The following DIP2C variants were observed in gnomAD, a reference collection of about 807,000 sequenced individuals.
The protein encoded by DIP2C is DIP2 acetate--CoA ligase C (putative).
In DIP2C, 33 loss-of-function variants were observed where a neutral mutation model predicts 192.4. The observed-to-expected ratio is 0.17, with a 90% CI of 0.13 to 0.23. The LOEUF is 0.23. Among genes scored for constraint, DIP2C ranks in the 10% least tolerant of loss-of-function variants. The pLI is 1.00. For missense variants in DIP2C, 1,537 were observed against 2,110.1 expected, an observed-to-expected ratio of 0.73 and a Z score of 5.32; for synonymous variants, 979 against 864.1, an observed-to-expected ratio of 1.13 and a Z score of -2.33.
chr10:460,259 A>G (rs960158243), intron 3 of DIP2C, among the ~76,000 whole-genome samples: 2 of 152,224 alleles, frequency 1.3e-5, no homozygotes, highest in Admixed American at 1.3e-4. Flanking sequence ...GTGATAACTA[A>G]AGCTAGAATC....
At chr10:285,425 G>A (rs1055616333) in intron 34 of DIP2C, among the ~76,000 whole-genome samples, 4 of 152,312 alleles carry the variant, frequency 2.6e-5, no homozygotes, top group Admixed American at 2.6e-4. Flanking sequence ...GGGAGTGAGG[G>A]TGTCCTTGGC....
intron 4 of DIP2C, among the ~76,000 whole-genome samples, chr10:436,453 G>A (rs936639860): frequency 6.6e-6 from 1 of 152,220 alleles, no homozygotes; most frequent in East Asian, 1.9e-4. Context: ...TCCGCCTCCT[G>A]GACTTGGCAG....
At chr10:291,281 A>G (rs780665757) in intron 32 of DIP2C, among the ~76,000 whole-genome samples, 5 of 152,250 alleles carry the variant, frequency 3.3e-5, no homozygotes, top group Non-Finnish European at 4.4e-5. Context: ...AAGTGTTGAA[A>G]ACACGGAAGA....
At chr10:319,176 G>T (rs111339278) in intron 31 of DIP2C, among the ~76,000 whole-genome samples, 1 of 152,130 alleles carries the variant, frequency 6.6e-6, no homozygotes, top group Admixed American at 6.5e-5. Context: ...GCCTCCTGAA[G>T]TGCTGGGATT....
chr10:571,818 G>A (rs571174114), intron 1 of DIP2C, among the ~76,000 whole-genome samples: 7 of 152,278 alleles, frequency 4.6e-5, no homozygotes, highest in African/African-American at 1.4e-4. Flanking sequence ...CCAGCCAAGA[G>A]GCCCTGCAAA....
At chr10:521,972 G>A (rs1846738117) in intron 1 of DIP2C, among the ~76,000 whole-genome samples, 1 of 151,608 alleles carries the variant, frequency 6.6e-6, no homozygotes, top group South Asian at 2.1e-4. Flanking sequence ...CGAGGTCTCA[G>A]CCTGCTGCTG....
intron 1 of DIP2C, among the ~76,000 whole-genome samples, chr10:603,647 CATT>C (rs764798462): frequency 1.2e-4 from 19 of 152,180 alleles, no homozygotes; most frequent in Non-Finnish European, 2.4e-4. Flanking sequence ...CAAACCATCT[CATT>C]ATAATTTAGG....
chr10:327,257 C>T, intron 30 of DIP2C, 81 bp from the exon 31 acceptor site: 1 of 1,480,792 alleles, frequency 6.8e-7, no homozygotes. Flanking sequence ...CCACAGATCC[C>T]CACGTAAACA....
intron 17 of DIP2C, among the ~76,000 whole-genome samples, chr10:382,050 G>C: frequency 6.6e-6 from 1 of 152,292 alleles, no homozygotes; most frequent in South Asian, 2.1e-4. Context: ...CTCCACTTAG[G>C]TAAAATGTCA....
intron 1 of DIP2C, among the ~76,000 whole-genome samples, chr10:599,214 G>A (rs1203600832): frequency 6.6e-6 from 1 of 152,110 alleles, no homozygotes; most frequent in East Asian, 1.9e-4. Flanking sequence ...CACATCCTCT[G>A]GTCTCAACAG....
chr10:543,742 T>C (rs1361753125), intron 1 of DIP2C, among the ~76,000 whole-genome samples: 2 of 152,260 alleles, frequency 1.3e-5, no homozygotes, highest in Non-Finnish European at 2.9e-5. Context: ...TTTAGTTTCT[T>C]TTTACATTGA....
At chr10:356,142 T>C (rs1330695561) in intron 24 of DIP2C, 1 of 554,144 alleles carries the variant, frequency 1.8e-6, no homozygotes, top group Non-Finnish European at 3.2e-6. Flanking sequence ...TCTCATAGAC[T>C]TACGATTTCT....
intron 3 of DIP2C, among the ~76,000 whole-genome samples, chr10:458,512 C>T (rs906548208): frequency 4.0e-5 from 6 of 149,920 alleles, no homozygotes; most frequent in African/African-American, 1.5e-4. Context: ...GAACCTGTGA[C>T]GGCAAGGATG....
chr10:337,011 CTGTGTG>C (rs71374355), intron 29 of DIP2C, among the ~76,000 whole-genome samples: 22 of 38,620 alleles, frequency 5.7e-4, no homozygotes, highest in Admixed American at 1.0e-3. Context: ...GCCTAGGCAG[CTGTGTG>C]TGTGTGTGTG....
chr10:379,597 GATTT>G (rs1245609224), intron 17 of DIP2C, among the ~76,000 whole-genome samples: 1 of 152,150 alleles, frequency 6.6e-6, no homozygotes, highest in African/African-American at 2.4e-5. Flanking sequence ...CTCAGCTTCT[GATTT>G]ATCTACTTTT....
intron 1 of DIP2C, among the ~76,000 whole-genome samples, chr10:644,805 T>C (rs1855369984): frequency 1.3e-5 from 2 of 152,036 alleles, no homozygotes; most frequent in Admixed American, 6.5e-5. Flanking sequence ...CAAAAGTACA[T>C]GCAGAGGCAG....
rs368512419 is a variant in DIP2C at position 505,897 on chromosome 10, GCAT to G, written c.86-19370_86-19368del. On this transcript the variant is annotated intron_variant, in intron 1 of 36. Transcript: ENST00000280886. Reference sequence around the variant, plus strand: ...GCATGTGCCTACACTGACAGCTACAGCATCATCTCCTGCTGTAAAAACTCCCTT... The same window carrying G: ...GCATGTGCCTACACTGACAGCTACAGCATCTCCTGCTGTAAAAACTCCCTT... Among the ~76,000 whole-genome samples the G allele has an allele frequency of 3.5e-4, 53 of 152,340 alleles. No individual in the cohort carries two copies. In the South Asian group the frequency reaches 8.5e-3, roughly 24 times the overall value.
At chr10:495,818 C>CT (rs2133611972) in intron 1 of DIP2C, among the ~76,000 whole-genome samples, 1 of 151,974 alleles carries the variant, frequency 6.6e-6, no homozygotes, top group Admixed American at 6.6e-5. Flanking sequence ...CTCTACATTA[C>CT]TCTCAATACC....
At chr10:304,314 C>A (rs530946487) in intron 32 of DIP2C, among the ~76,000 whole-genome samples, 1 of 152,298 alleles carries the variant, frequency 6.6e-6, no homozygotes, top group South Asian at 2.1e-4. Flanking sequence ...TCATTACAGT[C>A]TTACGGAACC....
Sources: allele counts gnomAD v4.1 joint callset (sites outside exome capture counted in the v4.1 genomes callset), GRCh38; gene constraint gnomAD v4.1.1; transcripts MANE v1.5; gene names NCBI Gene and HGNC (gene_info 2026-07-23, HGNC 2026-07-21).